The following GRM7 variants were observed in gnomAD, a reference collection of about 807,000 sequenced individuals.
GRM7 encodes the protein glutamate metabotropic receptor 7.
GRM7 carries 35 observed loss-of-function variants against 84.5 expected under a neutral mutation model. That is an observed-to-expected ratio of 0.41 (90% CI 0.32 to 0.55). GRM7 has a LOEUF of 0.55. GRM7 is among the 20% of genes least tolerant of loss of function. GRM7 has a pLI of 0.19. For missense variants in GRM7, 1,003 were observed against 1,194.6 expected, an observed-to-expected ratio of 0.84 and a Z score of 2.36; for synonymous variants, 487 against 455.1, an observed-to-expected ratio of 1.07 and a Z score of -0.89.
At chr3:7,667,228 A>G (rs749135578) in intron 8 of GRM7, among the ~76,000 whole-genome samples, 1 of 151,190 alleles carries the variant, frequency 6.6e-6, no homozygotes, top group Non-Finnish European at 1.5e-5. Context: ...TGATCCTACC[A>G]CTGCACTCCA....
chr3:7,534,052 T>C (rs1396947225), intron 7 of GRM7, among the ~76,000 whole-genome samples: 7 of 150,514 alleles, frequency 4.7e-5, no homozygotes, highest in Non-Finnish European at 8.9e-5. Context: ...TCTCACTCTT[T>C]TACCAAGGCT....
At chr3:7,507,907 TC>T (rs1482256805) in intron 7 of GRM7, among the ~76,000 whole-genome samples, 1 of 152,164 alleles carries the variant, frequency 6.6e-6, no homozygotes, top group African/African-American at 2.4e-5. Flanking sequence ...AACACTTATT[TC>T]CATTCTTCCG....
At chr3:7,535,703 A>G (rs973709139) in intron 7 of GRM7, among the ~76,000 whole-genome samples, 3 of 152,240 alleles carry the variant, frequency 2.0e-5, no homozygotes, top group Admixed American at 2.0e-4. Flanking sequence ...CCAACAATTA[A>G]TATTGCTCTA....
chr3:6,992,617 T>C (rs937665185), intron 1 of GRM7, among the ~76,000 whole-genome samples: 7 of 152,162 alleles, frequency 4.6e-5, no homozygotes, highest in African/African-American at 1.2e-4. Flanking sequence ...TTAGCAACCT[T>C]GGGCTTACAG....
chr3:7,368,641 A>G (rs1187306186), intron 4 of GRM7, among the ~76,000 whole-genome samples: 1 of 152,152 alleles, frequency 6.6e-6, no homozygotes, highest in Non-Finnish European at 1.5e-5. Context: ...AACAGCAGAT[A>G]AGCCAGATTT....
chr3:7,008,847 A>G (rs1325454461), intron 1 of GRM7, among the ~76,000 whole-genome samples: 1 of 152,074 alleles, frequency 6.6e-6, no homozygotes, highest in Non-Finnish European at 1.5e-5. Context: ...ATGAGACTCG[A>G]ATTCTGTTCG....
chr3:7,390,502 A>G (rs532075770), intron 4 of GRM7, among the ~76,000 whole-genome samples: 1 of 152,208 alleles, frequency 6.6e-6, no homozygotes, highest in South Asian at 2.1e-4. Context: ...GTCACCTTAT[A>G]TAATTTTATA....
chr3:7,403,067 C>T, intron 4 of GRM7: 1 of 291,514 alleles, frequency 3.4e-6, no homozygotes, highest in Non-Finnish European at 7.1e-6. Flanking sequence ...AGATGGTAAC[C>T]AGGCAACATG....
intron 9 of GRM7, among the ~76,000 whole-genome samples, chr3:7,720,087 A>G (rs2106518822): frequency 6.6e-6 from 1 of 152,258 alleles, no homozygotes; most frequent in Non-Finnish European, 1.5e-5. Flanking sequence ...GATCCTCCCA[A>G]CAATCACTAT....
intron 4 of GRM7, among the ~76,000 whole-genome samples, chr3:7,345,357 C>T (rs2125084608): frequency 6.6e-6 from 1 of 152,060 alleles, no homozygotes; most frequent in African/African-American, 2.4e-5. Context: ...TCACTGCAAC[C>T]TCCACTTCCT....
chr3:7,375,517 C>A (rs1183631111), intron 4 of GRM7, among the ~76,000 whole-genome samples: 5 of 152,048 alleles, frequency 3.3e-5, no homozygotes, highest in African/African-American at 1.2e-4. Context: ...CGTGCCCGGC[C>A]CCCTTCTTTA....
intron 7 of GRM7, chr3:7,561,344 C>G (rs1003872883): frequency 6.6e-6 from 2 of 303,728 alleles, no homozygotes; most frequent in African/African-American, 4.3e-5. Context: ...CAAATTTATA[C>G]TGTGATGCTG....
intron 3 of GRM7, among the ~76,000 whole-genome samples, chr3:7,303,244 A>T (rs1700071969): frequency 6.6e-6 from 1 of 152,076 alleles, no homozygotes; most frequent in African/African-American, 2.4e-5. Flanking sequence ...CCAGCTGATT[A>T]TTCTATTTTT....
chr3:7,329,629 T>G (rs1403029720), intron 4 of GRM7, among the ~76,000 whole-genome samples: 1 of 152,148 alleles, frequency 6.6e-6, no homozygotes, highest in Non-Finnish European at 1.5e-5. Context: ...TAAATGAATA[T>G]TTAAAAAATT....
At chr3:7,103,025 A>C (rs1699166955) in intron 1 of GRM7, among the ~76,000 whole-genome samples, 1 of 151,786 alleles carries the variant, frequency 6.6e-6, no homozygotes, top group Non-Finnish European at 1.5e-5. Flanking sequence ...TTGCTAATGC[A>C]ACAACTGGGT....
chr3:7,519,110 C>T (rs1700496528), intron 7 of GRM7, among the ~76,000 whole-genome samples: 1 of 152,180 alleles, frequency 6.6e-6, no homozygotes, highest in Non-Finnish European at 1.5e-5. Flanking sequence ...GTGAAAATAT[C>T]AACCCAGTTT....
In GRM7 at chr3:7,299,531, A is replaced by G. The variant is rs187824614; in HGVS notation, c.878+706A>G. On this transcript the variant is annotated intron_variant, in intron 3 of 9. Transcript: ENST00000357716. ...TTACAAAATTTAAAGTAAACATACA[A>G]TCTCCATCTTGTCGCATAGCTAACA... 2.0e-3 allele frequency among the ~76,000 whole-genome samples: 299 copies of G among 152,334 alleles called. 2 individuals are homozygous for G. The highest frequency in any genetic ancestry group is 6.8e-3 in the African/African-American group (283 of 41,584).
At chr3:6,900,763 G>A (rs1574990457) in intron 1 of GRM7, among the ~76,000 whole-genome samples, 1 of 152,292 alleles carries the variant, frequency 6.6e-6, no homozygotes, top group East Asian at 1.9e-4. Context: ...CCATAACAAT[G>A]CAGTGAGGTT....
At chr3:7,457,686 G>T (rs1481718760) in intron 6 of GRM7, among the ~76,000 whole-genome samples, 1 of 152,178 alleles carries the variant, frequency 6.6e-6, no homozygotes, top group Non-Finnish European at 1.5e-5. Flanking sequence ...TAATTTGGAA[G>T]TAGCACTGTG....
Sources: allele counts gnomAD v4.1 joint callset (sites outside exome capture counted in the v4.1 genomes callset), GRCh38; gene constraint gnomAD v4.1.1; transcripts MANE v1.5; gene names NCBI Gene and HGNC (gene_info 2026-07-23, HGNC 2026-07-21).